The following KCNQ4 variants were observed in gnomAD, a reference collection of about 807,000 sequenced individuals.
The protein encoded by KCNQ4 is potassium voltage-gated channel subfamily Q member 4, also known as potassium voltage-gated channel subfamily KQT member 4.
A neutral mutation model predicts 72.6 loss-of-function variants in KCNQ4; 31 were observed. The ratio of observed to expected loss-of-function variants is 0.43; its 90% CI spans 0.32 to 0.58. The LOEUF (loss-of-function observed/expected upper bound fraction) is 0.58, where lower values mean the gene tolerates loss of function less well. KCNQ4 is among the 20% of genes least tolerant of loss of function. KCNQ4 has a pLI of 0.08. For missense variants in KCNQ4, 869 were observed against 962.6 expected, an observed-to-expected ratio of 0.90 and a Z score of 1.29; for synonymous variants, 405 against 403.7, an observed-to-expected ratio of 1.00 and a Z score of -0.04.
chr1:40,820,084 G>A (rs1412415089), intron 6 of KCNQ4, 81 bp from the exon 7 acceptor site: 1 of 1,525,680 alleles, frequency 6.6e-7, no homozygotes, highest in African/African-American at 1.4e-5. Flanking sequence ...CCTCAGAGGG[G>A]CAAGGATGGG....
chr1:40,818,149 C>T lies in KCNQ4; in HGVS notation c.406-15C>T, dbSNP rs769043523. 6.2e-7 allele frequency: 1 copy of T among 1,613,860 alleles called. No homozygotes were observed. Among genetic ancestry groups the T allele is most frequent in the Non-Finnish European group, 8.5e-7 (1 of 1,179,958 alleles). On this transcript the variant is annotated splice_polypyrimidine_tract_variant and intron_variant, in intron 2 of 13. Transcript: ENST00000347132. The stretch of plus-strand genomic sequence containing the variant: ...TGGAGACTGAGGACCAGAACTCAGG[C>T]CCCTGGTCCCACAGGAATTCGTGAT...
At chr1:40,834,912 G>C in intron 11 of KCNQ4, 55 bp from the exon 12 acceptor site, 1 of 1,605,350 alleles carries the variant, frequency 6.2e-7, no homozygotes, top group South Asian at 1.1e-5. Context: ...AGAGGGTGCT[G>C]GGAAAGAATC....
At chr1:40,820,292 C>T in intron 7 of KCNQ4, 32 bp downstream of exon 7, 3 of 1,544,436 alleles carry the variant, frequency 1.9e-6, no homozygotes, top group Non-Finnish European at 2.6e-6. Flanking sequence ...GCCCTAGGAG[C>T]AGGGCCGTGT....
chr1:40,818,550 C>G lies in KCNQ4; in HGVS notation c.578C>G (p.Thr193Ser), dbSNP rs772216624. The G allele has an allele frequency of 1.9e-5, 31 of 1,603,332 alleles. No individual in the cohort carries two copies. Among genetic ancestry groups the G allele is most frequent in the Non-Finnish European group, 2.6e-5 (31 of 1,179,866 alleles). Residue 193 changes from threonine to serine, a missense_variant, in exon 4 of 14, where the codon ACC becomes AGC. Coordinates refer to ENST00000347132, the MANE Select transcript of KCNQ4 (RefSeq NM_004700.4). Reference protein sequence around the residue: ...VASVAVIAAGTQGNIFATSAL... With the variant: ...VASVAVIAAGSQGNIFATSAL... ...TCGGTGGCCGTCATCGCCGCGGGTA[C>G]CCAGGGCAACATCTTCGCCACGTCC... is the stretch of plus-strand genomic sequence containing the variant.
In KCNQ4 at chr1:40,787,789, C is replaced by CTGCTCGCTGAGCCCTTATGGGGAA. The variant is rs1647218347; in HGVS notation, c.314+3392_314+3415dup. Among the ~76,000 whole-genome samples the CTGCTCGCTGAGCCCTTATGGGGAA allele has an allele frequency of 2.0e-5, 3 of 152,338 alleles. No homozygotes were observed. In the South Asian group the frequency reaches 6.2e-4, roughly 32 times the overall value. ...AAGAAATACCACCTCGTGGCCCATC[C>CTGCTCGCTGAGCCCTTATGGGGAA]TGCTCGCTGAGCCCTTATGGGGAAT... On this transcript the variant is annotated intron_variant, in intron 1 of 13. Coordinates refer to ENST00000347132, the MANE Select transcript of KCNQ4 (RefSeq NM_004700.4).
At chr1:40,795,071 C>G (rs191749290) in intron 1 of KCNQ4, among the ~76,000 whole-genome samples, 1 of 152,226 alleles carries the variant, frequency 6.6e-6, no homozygotes. Context: ...CAGCTCCTGC[C>G]TCTGCTTCCT....
chr1:40,793,438 T>C (rs1217374315), intron 1 of KCNQ4, among the ~76,000 whole-genome samples: 2 of 152,156 alleles, frequency 1.3e-5, no homozygotes, highest in African/African-American at 4.8e-5. Context: ...GTACATAGTT[T>C]CAGGGGGTGG....
chr1:40,806,294 T>G (rs969386998), intron 1 of KCNQ4, among the ~76,000 whole-genome samples: 3 of 152,230 alleles, frequency 2.0e-5, no homozygotes, highest in Non-Finnish European at 4.4e-5. Context: ...ATGTTTCCCC[T>G]TCCTTTCAAT....
intron 1 of KCNQ4, among the ~76,000 whole-genome samples, chr1:40,796,472 T>C (rs1413863761): frequency 3.3e-5 from 5 of 152,152 alleles, no homozygotes; most frequent in African/African-American, 1.2e-4. Flanking sequence ...ACAAAGAGGT[T>C]ACGTGACTTG....
intron 1 of KCNQ4, among the ~76,000 whole-genome samples, chr1:40,811,085 G>A (rs1006913254): frequency 2.0e-5 from 3 of 152,166 alleles, no homozygotes; most frequent in Non-Finnish European, 2.9e-5. Context: ...CTCCTTATCA[G>A]GGTGATGATG....
Position 40,784,297 on chromosome 1 carries a change from C to T in KCNQ4, c.204C>T (p.Ala68=), listed in dbSNP as rs777956499. Residue 68 remains alanine (A), a synonymous_variant, in exon 1 of 14, where the codon GCC becomes GCT. Transcript: ENST00000347132. This position sits in a 1 kb window ranked among gnomAD's most constrained non-coding sequence, Gnocchi z 4.1. ...GGCCGGGCTCCGGCTCGGGCTCCGC[C>T]TGCGGCCAGCGCTCCTCGGCCGCGC... ...LPGPGSGSGS[A]CGQRSSAAHK... 1.4e-5 allele frequency: 22 copies of T among 1,591,354 alleles called. No individual in the cohort carries two copies. The highest frequency in any genetic ancestry group is 3.4e-5 in the Admixed American group (2 of 58,530).
chr1:40,787,613 TG>T (rs938876142), intron 1 of KCNQ4, among the ~76,000 whole-genome samples: 24 of 152,152 alleles, frequency 1.6e-4, no homozygotes, highest in Admixed American at 4.6e-4. Flanking sequence ...CTTCTCCTGT[TG>T]GGATCCAGAA....
rs529777380 is a variant in KCNQ4 at position 40,837,578 on chromosome 1, C to A, written c.1746-87C>A. ...TCAGATTGCCTGTCCCCTCGTGGTGCCTTCTCCTTCATCAGGCAACCTATA... is the reference window on the plus strand; with the variant it reads ...TCAGATTGCCTGTCCCCTCGTGGTGACTTCTCCTTCATCAGGCAACCTATA... On this transcript the variant is annotated intron_variant, in intron 12 of 13. Coordinates refer to ENST00000347132, the MANE Select transcript of KCNQ4 (RefSeq NM_004700.4). 5.5e-5 allele frequency: 84 copies of A among 1,520,910 alleles called. No homozygotes were observed. The African/African-American group carries it at 7.7e-4, about 14-fold the overall frequency. The allele number at this position is 1,520,910 out of a possible 1,614,324, so 94.2% of individuals were successfully genotyped here.
chr1:40,824,053 G>A (rs1235923682), intron 8 of KCNQ4, 44 bp from the exon 9 acceptor site: 5 of 1,546,834 alleles, frequency 3.2e-6, no homozygotes, highest in Non-Finnish European at 4.4e-6. Context: ...TGAGGGGGGT[G>A]GTGCCATGGC....
At chr1:40,837,476 T>A (rs1558036149) in intron 12 of KCNQ4, among the ~76,000 whole-genome samples, 189 bp from the exon 13 acceptor site, 1 of 152,246 alleles carries the variant, frequency 6.6e-6, no homozygotes, top group African/African-American at 2.4e-5. Context: ...GCTTGGCCAG[T>A]GGAGAACCAC....
chr1:40,784,259 G>A lies in KCNQ4; in HGVS notation c.166G>A (p.Ala56Thr). The A allele has an allele frequency of 3.6e-6, 5 of 1,407,846 alleles. No homozygotes were observed. Among genetic ancestry groups the A allele is most frequent in the Non-Finnish European group, 3.7e-6 (4 of 1,089,066 alleles). 87.2% of individuals were successfully genotyped at this position (1,407,846 alleles called of 1,614,324 possible). A position where few individuals can be genotyped will look rare whatever the true frequency, so the allele number is the denominator to read the frequency against. Residue 56 changes from alanine to threonine, a missense_variant, in exon 1 of 14, where the codon GCG becomes ACG. By Grantham distance (58) the Ala-to-Thr change is moderately conservative. This residue lies in a region of KCNQ4 where 178 missense variants were observed against 145.3 expected (regional missense o/e 1.22). Transcript: ENST00000347132. The surrounding 1 kb of genome is among the most constrained non-coding windows in gnomAD (Gnocchi z 4.1). ...CCTGGGCAGCCCCCTGCCGCCGGGC[G>A]CGCCCCTCCCTGGGCCGGGCTCCGG... Reference protein sequence around the residue: ...GLLGSPLPPGAPLPGPGSGSG... With the variant: ...GLLGSPLPPGTPLPGPGSGSG...
chr1:40,832,564 A>G (rs1437031171), intron 10 of KCNQ4, among the ~76,000 whole-genome samples: 2 of 152,230 alleles, frequency 1.3e-5, no homozygotes, highest in Non-Finnish European at 2.9e-5. Flanking sequence ...CTTCCCTAGT[A>G]GCAGAGCTGG....
intron 1 of KCNQ4, among the ~76,000 whole-genome samples, chr1:40,813,791 A>G (rs1647999587): frequency 6.6e-6 from 1 of 151,822 alleles, no homozygotes; most frequent in Non-Finnish European, 1.5e-5. Context: ...TCTGTCGCCC[A>G]GGCTGGAGTG....
rs1648911457 is a variant in KCNQ4 at position 40,839,475 on chromosome 1, A to T, written c.*952A>T. 1 of 152,252 alleles carries T rather than the reference A, an allele frequency of 6.6e-6. No individual in the cohort carries two copies. Among genetic ancestry groups the T allele is most frequent in the Non-Finnish European group, 1.5e-5 (1 of 68,066 alleles). The allele number at this position is 152,252 out of a possible 1,614,324, so 9.4% of individuals were successfully genotyped here. On this transcript the variant is annotated 3_prime_UTR_variant, in exon 14 of 14. Transcript: ENST00000347132. ...ATGACGTGACACACTTGGAGACATG[A>T]GTGCAGAGCCACTCAGCCGCTCCTG...
Sources: allele counts gnomAD v4.1 joint callset (sites outside exome capture counted in the v4.1 genomes callset), GRCh38; gene constraint gnomAD v4.1.1; regional missense constraint gnomAD v4.1.1; non-coding constraint Gnocchi (gnomAD v3.1); transcripts MANE v1.5; gene names NCBI Gene and HGNC (gene_info 2026-07-23, HGNC 2026-07-21).